KDM6B: variants seen among roughly 807,000 people sequenced by gnomAD.
KDM6B encodes lysine demethylase 6B.
Under a neutral mutation model 150.4 loss-of-function variants are expected in KDM6B, and 22 were observed. The ratio of observed to expected loss-of-function variants is 0.15; its 90% CI spans 0.10 to 0.21. The LOEUF (loss-of-function observed/expected upper bound fraction) is 0.21, where lower values mean the gene tolerates loss of function less well. KDM6B is among the 10% of genes least tolerant of loss of function. KDM6B has a pLI of 1.00. For synonymous variants in KDM6B, 1,148 were observed against 921.1 expected (o/e 1.25, Z -4.46); for missense variants, 1,984 against 2,234.3 (o/e 0.89, Z 2.26).
At chr17:7,839,729 A>G (rs1402254519) in intron 1 of KDM6B, among the ~76,000 whole-genome samples, 177 bp from the exon 2 acceptor site, 1 of 152,060 alleles carries the variant, frequency 6.6e-6, no homozygotes, top group African/African-American at 2.4e-5. Flanking sequence ...CTGCTTCCCA[A>G]AGGGGAAGGT....
rs2078719911 is a variant in KDM6B, at chr17:7,852,589, G to A, written c.4563G>A (p.Val1521=). The change falls in exon 21 of 24, where the codon GTG becomes GTA. Residue 1521 remains valine, a synonymous_variant. Coordinates refer to ENST00000448097, the MANE Select transcript of KDM6B (RefSeq NM_001348716.2). Reference sequence around the variant, plus strand: ...CCATGATTCACGTGTCATGGAACGTGGCTCGCACGGTCAAAATCAGCGACC... The same window carrying A: ...CCATGATTCACGTGTCATGGAACGTAGCTCGCACGGTCAAAATCAGCGACC... ...IVPMIHVSWN[V]ARTVKISDPD... The A allele has an allele frequency of 6.2e-7, 1 of 1,613,996 alleles. No individual in the cohort carries two copies. Among genetic ancestry groups the A allele is most frequent in the African/African-American group, 1.3e-5 (1 of 74,936 alleles).
intron 21 of KDM6B, 129 bp from the exon 22 acceptor site, chr17:7,852,871 G>A: frequency 3.7e-6 from 5 of 1,360,394 alleles, no homozygotes; most frequent in Non-Finnish European, 5.2e-6. Flanking sequence ...CAGAGGATGT[G>A]ACCTAGACAT....
intron 1 of KDM6B, among the ~76,000 whole-genome samples, chr17:7,834,726 G>C (rs1451357935): frequency 6.6e-6 from 1 of 152,088 alleles, no homozygotes; most frequent in African/African-American, 2.4e-5. Flanking sequence ...AGTAAGGTCA[G>C]ATGTGGTCAG....
intron 21 of KDM6B, 148 bp downstream of exon 21, chr17:7,852,784 C>G (rs1231549681): frequency 7.6e-7 from 1 of 1,309,690 alleles, no homozygotes; most frequent in African/African-American, 1.5e-5. Context: ...TAACTAGGTC[C>G]TTGCTGTCAT....
In KDM6B at chr17:7,849,695, G is replaced by C. The variant is rs2151378308; in HGVS notation, c.3407G>C (p.Ser1136Thr). 2 of 1,610,856 alleles carry C rather than the reference G, an allele frequency of 1.2e-6. No homozygotes were observed. Among genetic ancestry groups the C allele is most frequent in the African/African-American group, 2.7e-5 (2 of 75,050 alleles). Residue 1136 changes from serine to threonine, a missense_variant, in exon 12 of 24, where the codon AGC becomes ACC. Physicochemically the swap from Ser to Thr is moderately conservative, Grantham distance 58. Transcript: ENST00000448097. ...RRLRMADLTISHCAADVVRAS... is the reference protein window; with the variant it reads ...RRLRMADLTITHCAADVVRAS... ...CTGCGCATGGCAGACCTCACCATCA[G>C]CCACTGTGCTGCTGACGTCGTGCGC...
rs752327840 is a variant in KDM6B, at chr17:7,847,239, C to T, written c.1044C>T (p.Gly348=). Residue 348 remains glycine, a synonymous_variant, in exon 11 of 24, where the codon GGC becomes GGT. Transcript: ENST00000448097. ...GPRPPGAESH[G]CLPATRPPGS... is the part of the protein sequence containing the mutation. ...GCCCCCCAGGAGCAGAGAGCCATGG[C>T]TGCCTGCCTGCCACCCGTCCCCCCG... 5.1e-6 allele frequency: 8 copies of T among 1,560,168 alleles called. No individual in the cohort carries two copies. In the East Asian group the frequency reaches 1.1e-4, roughly 22 times the overall value.
rs530807836 is a variant in KDM6B at position 7,847,425 on chromosome 17, C to T, written c.1230C>T (p.Leu410=). 4 of 1,613,682 alleles carry T rather than the reference C, an allele frequency of 2.5e-6. No homozygotes were observed. Among genetic ancestry groups the T allele is most frequent in the Middle Eastern group, 1.6e-4 (1 of 6,062 alleles). Residue 410 remains leucine (L), a synonymous_variant, in exon 11 of 24, where the codon CTC becomes CTT. Coordinates refer to ENST00000448097, the MANE Select transcript of KDM6B (RefSeq NM_001348716.2). ...GTAGCAGCAGCAGCAACACTGGTCT[C>T]CGGGGCGTGGAGCCGAACCCAGGCA... ...SSSSSSSNTG[L]RGVEPNPGIP...
In KDM6B at chr17:7,843,026, A is replaced by G. The variant is rs2151373142; in HGVS notation, c.-268-1875A>G. 6.6e-6 allele frequency among the ~76,000 whole-genome samples: 1 copy of G among 152,032 alleles called. No individual in the cohort carries two copies. The highest frequency in any genetic ancestry group is 2.1e-4 in the South Asian group (1 of 4,820). The stretch of plus-strand genomic sequence containing the variant: ...GTGCTGGCGTGGGGCTTTGTGGATA[A>G]AGGTGGAAGAGCAGGGAGCTGGAGG... On this transcript the variant is annotated intron_variant, in intron 2 of 23. Coordinates refer to ENST00000448097, the MANE Select transcript of KDM6B (RefSeq NM_001348716.2). The surrounding 1 kb of genome is among the most constrained non-coding windows in gnomAD (Gnocchi z 4.5).
At position 7,854,724 on chromosome 17, in the gene KDM6B, TC is replaced by T; in HGVS notation, c.*1206del. 1 of 249,344 alleles carries T rather than the reference TC, an allele frequency of 4.0e-6. No homozygotes were observed. The highest frequency in any genetic ancestry group is 8.0e-6 in the Non-Finnish European group (1 of 125,160). The allele number at this position is 249,344 out of a possible 1,614,324, so 15.4% of individuals were successfully genotyped here. A position where few individuals can be genotyped will look rare whatever the true frequency, so the allele number is the denominator to read the frequency against. On this transcript the variant is annotated 3_prime_UTR_variant, in exon 24 of 24. Coordinates refer to ENST00000448097, the MANE Select transcript of KDM6B (RefSeq NM_001348716.2). Reference sequence around the variant, plus strand: ...CTCTGCCCCAGGGGCAGAGGGGTCTTCCCAACCCTACCCCTATTTTCGGTGA... The same window carrying T: ...CTCTGCCCCAGGGGCAGAGGGGTCTTCCAACCCTACCCCTATTTTCGGTGA...
Position 7,847,209 on chromosome 17 carries a change from C to A in KDM6B, c.1014C>A (p.Gly338=). 1 of 1,539,118 alleles carries A rather than the reference C, an allele frequency of 6.5e-7. No individual in the cohort carries two copies. The highest frequency in any genetic ancestry group is 2.2e-5 in the East Asian group (1 of 44,482). Residue 338 remains glycine, a synonymous_variant, in exon 11 of 24, where the codon GGC becomes GGA. Transcript: ENST00000448097. ...RLVPAAPPGP[G]PRPPGAESHG... ...TCCCGGCTGCTCCCCCAGGCCCAGG[C>A]CCCCGCCCCCCAGGAGCAGAGAGCC...
Position 7,853,641 on chromosome 17 carries a change from C to T in KDM6B, c.*120C>T, listed in dbSNP as rs2078750699. The T allele has an allele frequency of 1.8e-5, 11 of 617,848 alleles. No individual in the cohort carries two copies. Among genetic ancestry groups the T allele is most frequent in the Non-Finnish European group, 2.3e-5 (10 of 426,094 alleles). 38.3% of individuals were successfully genotyped at this position (617,848 alleles called of 1,614,324 possible). On this transcript the variant is annotated 3_prime_UTR_variant, in exon 24 of 24. Transcript: ENST00000448097. ...AAGGGGGTCGGGCCCAGCCCTTCCA[C>T]CCCATTGGCAGCTCCCCTCACTTAA...
At chr17:7,852,443 AGGT>A (rs1366218676) in intron 20 of KDM6B, 49 bp from the exon 21 acceptor site, 5 of 1,289,696 alleles carry the variant, frequency 3.9e-6, no homozygotes, top group Non-Finnish European at 5.3e-6. Flanking sequence ...GCTTGGGCCT[AGGT>A]GTCTGGGGGC....
Position 7,849,117 on chromosome 17 carries a change from G to T in KDM6B, c.2829G>T (p.Glu943Asp). The T allele has an allele frequency of 6.2e-7, 1 of 1,612,538 alleles. No individual in the cohort carries two copies. Among genetic ancestry groups the T allele is most frequent in the Non-Finnish European group, 8.5e-7 (1 of 1,179,910 alleles). The change falls in exon 12 of 24, where the codon GAG becomes GAT. Residue 943 changes from glutamate (E) to aspartate (D), a missense_variant. Glu to Asp is a conservative substitution (Grantham distance 45, BLOSUM62 2). Transcript: ENST00000448097. Reference protein sequence around the residue: ...TDPADPVDTAEPADSGTERLL... With the variant: ...TDPADPVDTADPADSGTERLL... ...CAGCCGACCCAGTGGACACAGCAGA[G>T]CCAGCGGACAGTGGGACTGAGCGAC...
At chr17:7,838,968 G>C (rs916008167) in intron 1 of KDM6B, among the ~76,000 whole-genome samples, 1 of 152,154 alleles carries the variant, frequency 6.6e-6, no homozygotes, top group Non-Finnish European at 1.5e-5. Context: ...GAGACTGGGG[G>C]CTAGAGGCCT....
At chr17:7,842,159 C>G (rs919066297) in intron 2 of KDM6B, among the ~76,000 whole-genome samples, 1 of 152,162 alleles carries the variant, frequency 6.6e-6, no homozygotes, top group Non-Finnish European at 1.5e-5. Flanking sequence ...CTCCTCGGCT[C>G]AAGCCCAGAG....
rs763091740 is a variant in KDM6B, at chr17:7,847,369, G to C, written c.1174G>C (p.Gly392Arg). Residue 392 changes from glycine (G) to arginine (R), a missense_variant, in exon 11 of 24, where the codon GGC (glycine) becomes CGC (arginine). Gly to Arg is a moderately radical substitution (Grantham distance 125). Transcript: ENST00000448097. ...CVPYAPSRPP[G>R]LPGTTTSSSS... The stretch of plus-strand genomic sequence containing the variant: ...GCCTTACGCCCCTTCCCGGCCCCCT[G>C]GCCTCCCCGGCACCACCACCAGCAG... 1 of 1,612,888 alleles carries C rather than the reference G, an allele frequency of 6.2e-7. No individual in the cohort carries two copies. The highest frequency in any genetic ancestry group is 8.5e-7 in the Non-Finnish European group (1 of 1,179,942).
At chr17:7,846,371 G>GGGCCGGGGCCCGGGGGCCC in intron 7 of KDM6B, 29 bp from the exon 8 acceptor site, 1 of 1,488,926 alleles carries the variant, frequency 6.7e-7, no homozygotes, top group Non-Finnish European at 9.2e-7. Context: ...CCTGACATCT[G>GGGCCGGGGCCCGGGGGCCC]CCCCTGCCCC....
rs1361334815 is a variant in KDM6B at position 7,848,465 on chromosome 17, A to G, written c.2177A>G (p.Lys726Arg). The change falls in exon 12 of 24, where the codon AAG becomes AGG. Residue 726 changes from lysine to arginine, a missense_variant. Around this residue, in one of 13 missense-constraint regions of KDM6B, gnomAD observed 1,379 missense variants for 1,275.6 expected, o/e 1.08. Transcript: ENST00000448097. Reference sequence around the variant, plus strand: ...GGCGTGGCCCCCCAACCCCCGCTGAAGGAGCCCTTTGCATCTCTGCAGTCT... The same window carrying G: ...GGCGTGGCCCCCCAACCCCCGCTGAGGGAGCCCTTTGCATCTCTGCAGTCT... ...EAGVAPQPPL[K>R]EPFASLQSPF... 1.9e-6 allele frequency: 3 copies of G among 1,612,044 alleles called. No individual in the cohort carries two copies. Among genetic ancestry groups the G allele is most frequent in the East Asian group, 4.5e-5 (2 of 44,828 alleles).
chr17:7,834,592 C>T (rs1314155899), intron 1 of KDM6B, among the ~76,000 whole-genome samples: 5 of 149,836 alleles, frequency 3.3e-5, no homozygotes, highest in Admixed American at 2.7e-4. Context: ...GAAAGGACTC[C>T]CCGTTCCCCT....
Sources: allele counts gnomAD v4.1 joint callset (sites outside exome capture counted in the v4.1 genomes callset), GRCh38; gene constraint gnomAD v4.1.1; regional missense constraint gnomAD v4.1.1; non-coding constraint Gnocchi (gnomAD v3.1); transcripts MANE v1.5; gene names NCBI Gene and HGNC (gene_info 2026-07-23, HGNC 2026-07-21).